The following CNTN5 variants were observed in gnomAD, a reference collection of about 807,000 sequenced individuals.
CNTN5 encodes contactin 5.
A neutral mutation model predicts 129.1 loss-of-function variants in CNTN5; 77 were observed. The observed-to-expected ratio is 0.60, with a 90% CI of 0.50 to 0.72. CNTN5 has a LOEUF of 0.72. Among genes scored for constraint, CNTN5 ranks in the 30% least tolerant of loss-of-function variants. CNTN5 has a pLI of 0.00. For missense variants in CNTN5, 1,478 were observed against 1,328.8 expected, an observed-to-expected ratio of 1.11 and a Z score of -1.75; for synonymous variants, 509 against 465.6, an observed-to-expected ratio of 1.09 and a Z score of -1.20.
chr11:99,149,054 A>T (rs1386927971), intron 1 of CNTN5, among the ~76,000 whole-genome samples: 2 of 152,192 alleles, frequency 1.3e-5, no homozygotes, highest in Non-Finnish European at 2.9e-5. Flanking sequence ...AATGCTGATC[A>T]GTTAGTTTCT....
At chr11:99,439,013 GAAATAA>G (rs1356293632) in intron 2 of CNTN5, among the ~76,000 whole-genome samples, 1 of 152,114 alleles carries the variant, frequency 6.6e-6, no homozygotes, top group East Asian at 1.9e-4. Flanking sequence ...TGAACACTAT[GAAATAA>G]AAATAGAAGA....
At chr11:99,074,141 T>G (rs2135259003) in intron 1 of CNTN5, among the ~76,000 whole-genome samples, 1 of 152,360 alleles carries the variant, frequency 6.6e-6, no homozygotes, top group African/African-American at 2.4e-5. Context: ...ATATCGAGCT[T>G]TTTTTCATAT....
At chr11:100,309,255 G>A in intron 21 of CNTN5, 1 of 984,516 alleles carries the variant, frequency 1.0e-6, no homozygotes, top group African/African-American at 1.7e-5. Flanking sequence ...TTCCCATTAA[G>A]AGAAAATCAT....
rs77607135 is a variant in CNTN5, at chr11:99,141,564, T to A, written c.-210+120294T>A. On this transcript the variant is annotated intron_variant, in intron 1 of 24. Transcript: ENST00000524871. The stretch of plus-strand genomic sequence containing the variant: ...CTTGACTTCTGTCTTTGGTGGTTTT[T>A]TTCTCTAGTTCCTCTTGGGATGATG... Among the ~76,000 whole-genome samples, 836 of 152,292 alleles carry A rather than the reference T, an allele frequency of 5.5e-3. 9 individuals carry two copies. The highest frequency in any genetic ancestry group is 0.019 in the African/African-American group (809 of 41,570).
intron 6 of CNTN5, among the ~76,000 whole-genome samples, chr11:99,892,339 C>T (rs542109685): frequency 3.3e-5 from 5 of 152,252 alleles, no homozygotes; most frequent in South Asian, 2.1e-4. Flanking sequence ...AATTAGATCC[C>T]GTTTGTCAAT....
At chr11:99,050,501 A>G (rs1025456437) in intron 1 of CNTN5, among the ~76,000 whole-genome samples, 2 of 151,898 alleles carry the variant, frequency 1.3e-5, no homozygotes, top group Admixed American at 6.6e-5. Flanking sequence ...ATAGAAAAAA[A>G]CCTGGAGAAC....
chr11:99,545,621 G>A (rs993441619), intron 2 of CNTN5, among the ~76,000 whole-genome samples: 22 of 152,008 alleles, frequency 1.4e-4, no homozygotes, highest in African/African-American at 5.3e-4. Context: ...TTTCCTCATT[G>A]CTCCACTAAC....
intron 6 of CNTN5, among the ~76,000 whole-genome samples, chr11:99,851,005 A>T (rs1947855903): frequency 6.6e-6 from 1 of 151,128 alleles, no homozygotes; most frequent in Admixed American, 6.6e-5. Flanking sequence ...CATTCACTTT[A>T]TTCACTGATT....
chr11:99,347,029 T>A (rs7942787), intron 2 of CNTN5, among the ~76,000 whole-genome samples: 1 of 152,256 alleles, frequency 6.6e-6, no homozygotes, highest in Non-Finnish European at 1.5e-5. Context: ...TGAGACACTA[T>A]GTTGTTTTGT....
intron 2 of CNTN5, among the ~76,000 whole-genome samples, chr11:99,543,282 C>A (rs1455280275): frequency 6.6e-6 from 1 of 152,114 alleles, no homozygotes; most frequent in Non-Finnish European, 1.5e-5. Flanking sequence ...TAAATATAGT[C>A]CACATTCATT....
chr11:100,336,711 A>G (rs897200107), intron 21 of CNTN5: 1 of 184,762 alleles, frequency 5.4e-6, no homozygotes, highest in African/African-American at 2.4e-5. Context: ...ACTTGTGAAT[A>G]TTGTGTAACC....
intron 15 of CNTN5, among the ~76,000 whole-genome samples, chr11:100,210,225 A>G (rs1004992750): frequency 6.6e-6 from 1 of 150,842 alleles, no homozygotes; most frequent in East Asian, 1.9e-4. Flanking sequence ...GATGGCATGT[A>G]TCTGTAGTCC....
chr11:99,711,128 T>C (rs1954970434), intron 3 of CNTN5, among the ~76,000 whole-genome samples: 1 of 151,908 alleles, frequency 6.6e-6, no homozygotes. Flanking sequence ...TTTTTGATTG[T>C]TCCTTCACCT....
chr11:99,432,908 A>G (rs1943446742), intron 2 of CNTN5, among the ~76,000 whole-genome samples: 1 of 151,742 alleles, frequency 6.6e-6, no homozygotes, highest in Non-Finnish European at 1.5e-5. Flanking sequence ...ATTGAAACTG[A>G]TACCACCAAG....
chr11:100,174,297 G>A (rs896245559), intron 13 of CNTN5, among the ~76,000 whole-genome samples: 1 of 152,076 alleles, frequency 6.6e-6, no homozygotes, highest in African/African-American at 2.4e-5. Flanking sequence ...AAACTTTTGA[G>A]TTAGTAGCCT....
At chr11:99,967,999 G>A (rs1261985700) in intron 8 of CNTN5, among the ~76,000 whole-genome samples, 1 of 152,152 alleles carries the variant, frequency 6.6e-6, no homozygotes, top group Non-Finnish European at 1.5e-5. Flanking sequence ...TAACTAAAAA[G>A]AAGTTGAGGT....
At chr11:100,334,541 A>G (rs1273897017) in intron 21 of CNTN5, among the ~76,000 whole-genome samples, 1 of 152,192 alleles carries the variant, frequency 6.6e-6, no homozygotes, top group African/African-American at 2.4e-5. Flanking sequence ...ATGTTCATCA[A>G]TCAATGAGTG....
In CNTN5 at chr11:100,268,269, G is replaced by T. The variant is rs1309768599; in HGVS notation, c.2165-2823G>T. On this transcript the variant is annotated intron_variant, in intron 17 of 24. Coordinates refer to ENST00000524871, the MANE Select transcript of CNTN5 (RefSeq NM_014361.4). ...TATAAGTATGGTGTTTAAGTGAGAG[G>T]TTTAGCGTAAAGTTATTGGCATATA... is the stretch of plus-strand genomic sequence containing the variant. Among the ~76,000 whole-genome samples the T allele has an allele frequency of 2.6e-5, 4 of 152,082 alleles. No homozygotes were observed. In the East Asian group the frequency reaches 5.8e-4, roughly 22 times the overall value.
chr11:100,167,532 A>G (rs1947679418), intron 13 of CNTN5, among the ~76,000 whole-genome samples: 1 of 151,894 alleles, frequency 6.6e-6, no homozygotes, highest in Non-Finnish European at 1.5e-5. Context: ...AGCTTTTAAT[A>G]TAATGGAGAA....
Sources: allele counts gnomAD v4.1 joint callset (sites outside exome capture counted in the v4.1 genomes callset), GRCh38; gene constraint gnomAD v4.1.1; transcripts MANE v1.5; gene names NCBI Gene and HGNC (gene_info 2026-07-23, HGNC 2026-07-21).